KSR2: variants seen among roughly 807,000 people sequenced by gnomAD.
KSR2 encodes kinase suppressor of ras 2.
A neutral mutation model predicts 107.8 loss-of-function variants in KSR2; 25 were observed. That is an observed-to-expected ratio of 0.23 (90% CI 0.17 to 0.32). The LOEUF is 0.32. Ranked by LOEUF, KSR2 falls within the 10% of genes least tolerant of loss-of-function variation. The pLI is 1.00. For missense variants in KSR2, 887 were observed against 1,268.9 expected (o/e 0.70, Z 4.57); for synonymous variants, 480 against 507.0 (o/e 0.95, Z 0.71).
chr12:117,770,068 G>T (rs1415465693), intron 3 of KSR2, among the ~76,000 whole-genome samples: 1 of 146,516 alleles, frequency 6.8e-6, no homozygotes, highest in East Asian at 1.9e-4. Flanking sequence ...AAAAAAAAAA[G>T]AATCATCCAG....
At chr12:117,522,594 A>G (rs1366297186) in intron 14 of KSR2, among the ~76,000 whole-genome samples, 1 of 152,226 alleles carries the variant, frequency 6.6e-6, no homozygotes, top group African/African-American at 2.4e-5. Context: ...ATGTCCTTGC[A>G]GTGGGACATT....
At chr12:117,960,940 T>C in intron 1 of KSR2, among the ~76,000 whole-genome samples, 1 of 151,796 alleles carries the variant, frequency 6.6e-6, no homozygotes. Flanking sequence ...GCTGGGACTA[T>C]AGGCACGTGC....
intron 9 of KSR2, among the ~76,000 whole-genome samples, chr12:117,553,253 G>C (rs564397607): frequency 1.3e-5 from 2 of 152,176 alleles, no homozygotes; most frequent in Non-Finnish European, 2.9e-5. Flanking sequence ...TAAAAATGGC[G>C]GGTGAGATAG....
intron 5 of KSR2, among the ~76,000 whole-genome samples, chr12:117,639,316 TATTATC>T: frequency 6.9e-6 from 1 of 145,862 alleles, no homozygotes; most frequent in Middle Eastern, 3.6e-3. Context: ...AGTTTATTAT[TATTATC>T]ATCATTATTA....
intron 3 of KSR2, among the ~76,000 whole-genome samples, chr12:117,791,399 T>C (rs751394524): frequency 2.0e-5 from 3 of 152,246 alleles, no homozygotes; most frequent in African/African-American, 2.4e-5. Context: ...ATTCATTTAC[T>C]ATCTGTCTCC....
rs1454858420 is a variant in KSR2 at position 117,686,710 on chromosome 12, G to C, written c.987-19052C>G. Among the ~76,000 whole-genome samples, 4 of 152,264 alleles carry C rather than the reference G, an allele frequency of 2.6e-5. No homozygotes were observed. The East Asian group carries it at 7.7e-4, about 29-fold the overall frequency. ...GTAAAGACCCTTCTCTGTGCAAGCA[G>C]GAGGTCAGCCAGAAATGTTTTACTC... On this transcript the variant is annotated intron_variant, in intron 4 of 19. Coordinates refer to ENST00000339824, the MANE Select transcript of KSR2 (RefSeq NM_173598.6).
chr12:117,495,852 G>A (rs1004905396), intron 14 of KSR2, among the ~76,000 whole-genome samples: 3 of 152,120 alleles, frequency 2.0e-5, no homozygotes, highest in South Asian at 2.1e-4. Flanking sequence ...TCAAGAGATC[G>A]AGACCATCCT....
intron 3 of KSR2, among the ~76,000 whole-genome samples, chr12:117,779,204 C>T (rs139960205): frequency 0.012 from 1,816 of 152,306 alleles, 46 homozygotes; most frequent in African/African-American, 0.041. Flanking sequence ...GCTGTGTAAA[C>T]GTCTATCAAC....
At chr12:117,605,196 T>C (rs563451025) in intron 5 of KSR2, among the ~76,000 whole-genome samples, 13 of 152,224 alleles carry the variant, frequency 8.5e-5, no homozygotes, top group Admixed American at 6.5e-4. Flanking sequence ...TGGACAGATA[T>C]GGGCATCCTG....
At chr12:117,770,468 C>T (rs978797980) in intron 3 of KSR2, among the ~76,000 whole-genome samples, 4 of 151,934 alleles carry the variant, frequency 2.6e-5, no homozygotes, top group Non-Finnish European at 5.9e-5. Context: ...ACTTTCAAGC[C>T]CCTAGAACTG....
intron 7 of KSR2, among the ~76,000 whole-genome samples, chr12:117,573,871 A>G (rs1366735394): frequency 6.6e-6 from 1 of 152,066 alleles, no homozygotes; most frequent in Non-Finnish European, 1.5e-5. Flanking sequence ...ACCAATATTT[A>G]CTGGATGAAT....
intron 5 of KSR2, among the ~76,000 whole-genome samples, chr12:117,632,192 G>T (rs1882838005): frequency 6.9e-6 from 1 of 144,948 alleles, no homozygotes; most frequent in Non-Finnish European, 1.5e-5. Context: ...GGCTGTAAGA[G>T]AATGCTTATG....
chr12:117,642,186 T>C (rs1303027865), intron 5 of KSR2, among the ~76,000 whole-genome samples: 1 of 152,216 alleles, frequency 6.6e-6, no homozygotes, highest in Non-Finnish European at 1.5e-5. Context: ...ACTTCCACTT[T>C]GCAGCTCTTA....
At chr12:117,817,394 T>C (rs1186210824) in intron 3 of KSR2, among the ~76,000 whole-genome samples, 1 of 151,972 alleles carries the variant, frequency 6.6e-6, no homozygotes, top group East Asian at 1.9e-4. Context: ...CCCACACCGA[T>C]GTTCCCAAGT....
intron 4 of KSR2, among the ~76,000 whole-genome samples, chr12:117,714,803 T>C (rs998022251): frequency 6.6e-5 from 10 of 152,140 alleles, no homozygotes; most frequent in African/African-American, 2.4e-4. Context: ...ATCTAGTGGA[T>C]AGAGACTAGA....
chr12:117,636,196 G>A (rs998592200), intron 5 of KSR2, among the ~76,000 whole-genome samples: 1 of 151,920 alleles, frequency 6.6e-6, no homozygotes, highest in Non-Finnish European at 1.5e-5. Flanking sequence ...ACATTTCATT[G>A]AAGAGAGAAA....
intron 4 of KSR2, among the ~76,000 whole-genome samples, chr12:117,678,102 A>ATTATTTTTT (rs1885214692): frequency 7.8e-6 from 1 of 127,544 alleles, no homozygotes; most frequent in Non-Finnish European, 1.7e-5. Context: ...AGCCCAGCTA[A>ATTATTTTTT]TTTTTTTTTT....
At chr12:117,722,424 T>A (rs1166075692) in intron 4 of KSR2, among the ~76,000 whole-genome samples, 2 of 152,058 alleles carry the variant, frequency 1.3e-5, no homozygotes, top group African/African-American at 4.8e-5. Context: ...AGATAGAAGG[T>A]CAGCACAAGA....
In KSR2 at chr12:117,527,143, T is replaced by C. The variant is rs780821054; in HGVS notation, c.1803-24A>G. 3 of 1,588,628 alleles carry C rather than the reference T, an allele frequency of 1.9e-6. No homozygotes were observed. In the South Asian group the frequency reaches 3.3e-5, roughly 18 times the overall value. On this transcript the variant is annotated intron_variant, in intron 12 of 19. Transcript: ENST00000339824. The stretch of plus-strand genomic sequence containing the variant: ...AGCTGTAAAGAAAGAAAAATAAACG[T>C]GATCCCTAGGTGAAAAGGCAGGTCT...
Sources: gnomAD v4.1 joint callset for allele counts (sites outside exome capture counted in the v4.1 genomes callset) on GRCh38, gnomAD v4.1.1 for gene constraint, MANE v1.5 for transcripts, NCBI Gene and HGNC (gene_info 2026-07-23, HGNC 2026-07-21) for gene names.